The following TAF1 variants were observed in gnomAD, a reference collection of about 807,000 sequenced individuals.
TAF1 encodes the protein transcription initiation factor TFIID subunit 1.
Under a neutral mutation model 138.5 loss-of-function variants are expected in TAF1, and 2 were observed. The ratio of observed to expected loss-of-function variants is 0.01; its 90% CI spans 0.01 to 0.05. The LOEUF (loss-of-function observed/expected upper bound fraction) is 0.05. TAF1 is among the 10% of genes least tolerant of loss of function. The pLI, the probability that TAF1 is intolerant of heterozygous loss-of-function variation, is 1.00. For missense variants in TAF1, 709 were observed against 1,478.0 expected, an observed-to-expected ratio of 0.48 and a Z score of 8.53; for synonymous variants, 437 against 503.2, an observed-to-expected ratio of 0.87 and a Z score of 1.76.
At chrX:71,436,038 CTTTTTTTTTTTTTTTTTT>C (rs780566468) in intron 32 of TAF1, among the ~76,000 whole-genome samples, 5 of 78,424 alleles carry the variant, frequency 6.4e-5, no homozygotes, top group African/African-American at 1.1e-4. Flanking sequence ...ATGCTACCTC[CTTTTTTTTTTTTTTTTTT>C]TTTTTTTTTG....
intron 28 of TAF1, chrX:71,420,067 C>A: frequency 2.9e-6 from 1 of 350,735 alleles, no homozygotes; most frequent in Middle Eastern, 4.3e-4. Context: ...TCTCTTTCCT[C>A]CTCATACTTT....
intron 29 of TAF1, 71 bp from the exon 30 acceptor site, chrX:71,423,046 G>T: frequency 8.4e-7 from 1 of 1,188,198 alleles, no homozygotes; most frequent in South Asian, 1.8e-5. Flanking sequence ...CCGGCAAATT[G>T]TCCTTAACTT....
intron 32 of TAF1, among the ~76,000 whole-genome samples, chrX:71,446,750 C>T (rs1045265329): frequency 1.8e-5 from 2 of 111,764 alleles, no homozygotes; most frequent in Non-Finnish European, 3.8e-5. Flanking sequence ...ATCAAATAGG[C>T]CCTTGACCAG....
rs183966037 is a variant in TAF1, at chrX:71,509,054, C to T, written c.1367-19488C>T. Among the ~76,000 whole-genome samples the T allele has an allele frequency of 8.2e-5, 9 of 109,814 alleles. No individual in the cohort carries two copies. In the East Asian group the frequency reaches 2.0e-3, roughly 24 times the overall value. On this transcript the variant is annotated intron_variant and NMD_transcript_variant, in intron 13 of 14. Transcript: ENST00000373775. ...AACTCCTGGACTCAAGTGATCTGCC[C>T]GCCTCGGCCTCCCAAAGTGCTGGGA...
chrX:71,438,670 C>G (rs1172070039), intron 32 of TAF1, among the ~76,000 whole-genome samples: 1 of 112,091 alleles, frequency 8.9e-6, no homozygotes, highest in Non-Finnish European at 1.9e-5. Context: ...CCATTCTTTC[C>G]TCACAACAGT....
At chrX:71,471,307 G>A (rs1413221727) in intron 13 of TAF1, among the ~76,000 whole-genome samples, 3 of 98,905 alleles carry the variant, frequency 3.0e-5, no homozygotes, top group Non-Finnish European at 2.0e-5. Flanking sequence ...GTGACAGAGC[G>A]AGACTCCGTC....
chrX:71,392,847 G>A (rs1327597287), intron 19 of TAF1, 28 bp from the exon 20 acceptor site: 1 of 1,208,034 alleles, frequency 8.3e-7, no homozygotes. Context: ...AGGTTTTTAG[G>A]AGTCTCACTT....
chrX:71,374,042 C>T (rs1215138179), intron 3 of TAF1, among the ~76,000 whole-genome samples: 2 of 110,951 alleles, frequency 1.8e-5, no homozygotes, highest in Non-Finnish European at 3.8e-5. Context: ...TTTCAAGCAG[C>T]TCTTGGAAAC....
chrX:71,446,869 A>G (rs1401418810), intron 32 of TAF1, among the ~76,000 whole-genome samples: 1 of 111,846 alleles, frequency 8.9e-6, no homozygotes, highest in Non-Finnish European at 1.9e-5. Flanking sequence ...GAACCTCTTA[A>G]TCTTGGAAAC....
intron 24 of TAF1, among the ~76,000 whole-genome samples, chrX:71,399,338 C>T (rs1248111361): frequency 9.9e-6 from 1 of 101,237 alleles, no homozygotes; most frequent in East Asian, 3.0e-4. Flanking sequence ...CTCATTGCAG[C>T]CTCCGCCTCC....
intron 13 of TAF1, among the ~76,000 whole-genome samples, chrX:71,472,150 C>T (rs997095366): frequency 8.9e-6 from 1 of 111,760 alleles, no homozygotes; most frequent in African/African-American, 3.3e-5. Context: ...CATGTGCCAC[C>T]ACGCCTGGCT....
intron 13 of TAF1, among the ~76,000 whole-genome samples, chrX:71,505,960 C>T (rs1198476516): frequency 9.1e-6 from 1 of 109,828 alleles, no homozygotes; most frequent in Non-Finnish European, 1.9e-5. Context: ...GCGGAGGTTG[C>T]GGTGAGCCGA....
At chrX:71,486,115 C>T (rs1006355997) in intron 13 of TAF1, among the ~76,000 whole-genome samples, 5 of 109,576 alleles carry the variant, frequency 4.6e-5, no homozygotes, top group African/African-American at 1.3e-4. Context: ...AGCTGGGTGG[C>T]GTGATCATGG....
chrX:71,513,020 G>A (rs958359715), intron 13 of TAF1, among the ~76,000 whole-genome samples: 1 of 112,106 alleles, frequency 8.9e-6, no homozygotes, highest in African/African-American at 3.2e-5. Flanking sequence ...CAATTTCAGT[G>A]GAACCATTTT....
intron 32 of TAF1, chrX:71,441,685 C>CT (rs772438127): frequency 7.2e-3 from 1,894 of 262,234 alleles, no homozygotes; most frequent in Admixed American, 0.011. Flanking sequence ...AATTTTGTAT[C>CT]TTTTTTTTTT....
In TAF1 at chrX:71,512,014, CA is replaced by C. The variant is rs776364300; in HGVS notation, c.1367-16513del. Among the ~76,000 whole-genome samples the C allele has an allele frequency of 7.7e-3, 589 of 76,905 alleles. 4 individuals carry two copies. Among genetic ancestry groups the C allele is most frequent in the African/African-American group, 0.017 (354 of 20,259 alleles). 66.8% of individuals were successfully genotyped at this position (76,905 alleles called of 115,157 possible). On this transcript the variant is annotated intron_variant and NMD_transcript_variant, in intron 13 of 14. Transcript: ENST00000373775. Reference sequence around the variant, plus strand: ...TGGGTGACAGAATGAGACCTTGTCTCAAAAAAAAAAAAAAAGGGGGCTGGGC... The same window carrying C: ...TGGGTGACAGAATGAGACCTTGTCTCAAAAAAAAAAAAAAGGGGGCTGGGC...
At chrX:71,452,018 G>A (rs1318187679) in intron 32 of TAF1, among the ~76,000 whole-genome samples, 13 of 110,721 alleles carry the variant, frequency 1.2e-4, no homozygotes, top group African/African-American at 3.9e-4. Flanking sequence ...GGTGGTGGCC[G>A]GGCAGAGGGG....
At chrX:71,373,839 T>A (rs1443349381) in intron 3 of TAF1, among the ~76,000 whole-genome samples, 1 of 110,461 alleles carries the variant, frequency 9.1e-6, no homozygotes, top group African/African-American at 3.3e-5. Context: ...TAAGGGGCAG[T>A]GAAAAGAGTA....
intron 17 of TAF1, 35 bp downstream of exon 17, chrX:71,388,903 G>A (rs1255124099): frequency 1.7e-6 from 2 of 1,161,364 alleles, no homozygotes; most frequent in East Asian, 3.0e-5. Flanking sequence ...ACTTATGCCT[G>A]TGGTTTTTTG....
Sources: gnomAD v4.1 joint callset for allele counts (sites outside exome capture counted in the v4.1 genomes callset) on GRCh38, gnomAD v4.1.1 for gene constraint, MANE v1.5 for transcripts, NCBI Gene and HGNC (gene_info 2026-07-23, HGNC 2026-07-21) for gene names.